The following ELP3 variants were observed in gnomAD, a reference collection of about 807,000 sequenced individuals.
ELP3 encodes elongator complex protein 3.
Under a neutral mutation model 74.9 loss-of-function variants are expected in ELP3, and 56 were observed. That is an observed-to-expected ratio of 0.75 (90% CI 0.60 to 0.93). ELP3 has a LOEUF of 0.93. Among genes scored for constraint, ELP3 ranks in the 40% least tolerant of loss-of-function variants. The probability of loss-of-function intolerance (pLI) is 0.00; values close to 1 mark genes in which losing one functional copy is unlikely to be tolerated. For synonymous variants in ELP3, 222 were observed against 239.8 expected, an observed-to-expected ratio of 0.93 and a Z score of 0.68; for missense variants, 573 against 686.5, an observed-to-expected ratio of 0.83 and a Z score of 1.85.
At chr8:28,119,567 G>T (rs1812272165) in intron 7 of ELP3, among the ~76,000 whole-genome samples, 2 of 89,942 alleles carry the variant, frequency 2.2e-5, no homozygotes, top group Non-Finnish European at 2.1e-5. Context: ...ACAACTTGTG[G>T]CGTTTTATAT....
chr8:28,172,180 G>A (rs761832703), intron 14 of ELP3, among the ~76,000 whole-genome samples: 1 of 151,980 alleles, frequency 6.6e-6, no homozygotes, highest in Non-Finnish European at 1.5e-5. Flanking sequence ...TTTTATTTCA[G>A]CAAAAGCCAC....
chr8:28,112,288 A>G (rs4732822), intron 6 of ELP3, among the ~76,000 whole-genome samples: 42,843 of 151,814 alleles, frequency 0.28, 6,356 homozygotes, highest in Admixed American at 0.34. Flanking sequence ...GGATTACGGC[A>G]TGTCTGGCTA....
chr8:28,156,922 CA>C (rs1013651807), intron 11 of ELP3, among the ~76,000 whole-genome samples: 21 of 149,886 alleles, frequency 1.4e-4, no homozygotes, highest in Middle Eastern at 3.4e-3. Flanking sequence ...CATATTCTAC[CA>C]AAAAAAAAGT....
intron 12 of ELP3, among the ~76,000 whole-genome samples, chr8:28,159,056 T>C (rs1813961243): frequency 6.6e-6 from 1 of 152,218 alleles, no homozygotes; most frequent in Admixed American, 6.5e-5. Context: ...ATGATCTGCT[T>C]CTCTCTTTAT....
At chr8:28,155,820 C>A in intron 10 of ELP3, 122 bp from the exon 11 acceptor site, 1 of 679,908 alleles carries the variant, frequency 1.5e-6, no homozygotes, top group Non-Finnish European at 2.4e-6. Context: ...ATTTCCTGGT[C>A]AGCTTCATAG....
intron 14 of ELP3, among the ~76,000 whole-genome samples, chr8:28,163,559 A>AT (rs1814189498): frequency 7.9e-6 from 1 of 126,452 alleles, no homozygotes; most frequent in African/African-American, 2.9e-5. Context: ...AGCTTTATTT[A>AT]TTTATTTTTT....
intron 7 of ELP3, among the ~76,000 whole-genome samples, chr8:28,118,108 G>A (rs1374756046): frequency 1.3e-5 from 2 of 152,128 alleles, no homozygotes; most frequent in South Asian, 2.1e-4. Context: ...GTTTTTGCTT[G>A]CTGACTACAT....
intron 14 of ELP3, among the ~76,000 whole-genome samples, chr8:28,182,563 AAAAC>A (rs1199538883): frequency 6.6e-5 from 10 of 152,012 alleles, no homozygotes; most frequent in African/African-American, 2.4e-4. Flanking sequence ...CTTCGTCTCA[AAAAC>A]AAACAAAAAA....
chr8:28,101,906 G>A (rs1811505535), intron 3 of ELP3, among the ~76,000 whole-genome samples: 1 of 152,112 alleles, frequency 6.6e-6, no homozygotes, highest in South Asian at 2.1e-4. Context: ...TTAGAGTTAA[G>A]CATTATGTGT....
intron 10 of ELP3, among the ~76,000 whole-genome samples, chr8:28,138,849 G>C (rs3757895): frequency 6.6e-6 from 1 of 152,070 alleles, no homozygotes; most frequent in Non-Finnish European, 1.5e-5. Flanking sequence ...TGCAGGATCT[G>C]AATTGCCTAT....
At chr8:28,127,295 A>G (rs1812614685) in intron 7 of ELP3, among the ~76,000 whole-genome samples, 1 of 152,140 alleles carries the variant, frequency 6.6e-6, no homozygotes, top group Non-Finnish European at 1.5e-5. Flanking sequence ...CATTTGTGCA[A>G]TTGCCTCCCC....
At chr8:28,142,929 TGAG>T (rs1278877416) in intron 10 of ELP3, among the ~76,000 whole-genome samples, 1 of 152,176 alleles carries the variant, frequency 6.6e-6, no homozygotes. Flanking sequence ...TTTGTAAGCA[TGAG>T]GAGAATTCCT....
At chr8:28,163,300 C>G (rs141318840) in intron 14 of ELP3, among the ~76,000 whole-genome samples, 2 of 152,260 alleles carry the variant, frequency 1.3e-5, no homozygotes, top group African/African-American at 2.4e-5. Flanking sequence ...CATTAGACTA[C>G]TACATTCCTA....
chr8:28,090,987 A>C (rs1487669878), upstream of ELP3, among the ~76,000 whole-genome samples: 1 of 149,248 alleles, frequency 6.7e-6, no homozygotes, highest in Admixed American at 6.8e-5. Flanking sequence ...GCTCACTGCA[A>C]GCTCTGCCTC....
At chr8:28,174,665 A>G (rs769954182) in intron 14 of ELP3, among the ~76,000 whole-genome samples, 7 of 152,148 alleles carry the variant, frequency 4.6e-5, no homozygotes, top group African/African-American at 9.6e-5. Context: ...TAGGAAGAAA[A>G]GAGGAGTTAC....
upstream of ELP3, among the ~76,000 whole-genome samples, chr8:28,091,357 C>G (rs1052328010): frequency 2.6e-5 from 4 of 152,112 alleles, no homozygotes; most frequent in Non-Finnish European, 4.4e-5. Context: ...CCATCATGGC[C>G]TGAGCTAGTT....
chr8:28,154,274 C>T (rs184800007), intron 10 of ELP3, among the ~76,000 whole-genome samples: 1 of 152,198 alleles, frequency 6.6e-6, no homozygotes, highest in Admixed American at 6.5e-5. Context: ...TTTAGGGGCT[C>T]ACAGGAACCT....
rs550642557 is a variant in ELP3, at chr8:28,129,245, C to T, written c.618-257C>T. The T allele has an allele frequency of 1.7e-5, 6 of 361,254 alleles. No individual in the cohort carries two copies. The East Asian group carries it at 2.1e-4, about 13-fold the overall frequency. The allele number at this position is 361,254 out of a possible 1,614,324, so 22.4% of individuals were successfully genotyped here. ...TAACATTACTATGCTAGCTCAGTCA[C>T]GTCAATCTTATGAGGTGTAGATAGT... On this transcript the variant is annotated intron_variant, in intron 7 of 14. Coordinates refer to ENST00000256398, the MANE Select transcript of ELP3 (RefSeq NM_018091.6).
intron 14 of ELP3, among the ~76,000 whole-genome samples, chr8:28,176,816 G>A (rs1814775898): frequency 6.6e-6 from 1 of 152,116 alleles, no homozygotes; most frequent in Admixed American, 6.5e-5. Flanking sequence ...GAGTAAAGAA[G>A]TGAGAATGAT....
Sources: gnomAD v4.1 joint callset for allele counts (sites outside exome capture counted in the v4.1 genomes callset) on GRCh38, gnomAD v4.1.1 for gene constraint, MANE v1.5 for transcripts, NCBI Gene and HGNC (gene_info 2026-07-23, HGNC 2026-07-21) for gene names.